Variants in FYCO1 observed in about 807,000 individuals in gnomAD.
FYCO1 encodes FYVE and coiled-coil domain autophagy adaptor 1, also known as FYVE and coiled-coil domain-containing protein 1.
A neutral mutation model predicts 165.1 loss-of-function variants in FYCO1; 122 were observed. The observed-to-expected ratio is 0.74, with a 90% CI of 0.64 to 0.86. The LOEUF (loss-of-function observed/expected upper bound fraction) is 0.86. Among genes scored for constraint, FYCO1 ranks in the 40% least tolerant of loss-of-function variants. The pLI is 0.00. For missense variants in FYCO1, 1,702 were observed against 1,810.3 expected, an observed-to-expected ratio of 0.94 and a Z score of 1.09; for synonymous variants, 648 against 742.5, an observed-to-expected ratio of 0.87 and a Z score of 2.07.
At chr3:45,946,608 G>A in intron 14 of FYCO1, 4 of 1,614,208 alleles carry the variant, frequency 2.5e-6, no homozygotes, top group Non-Finnish European at 2.5e-6. Flanking sequence ...GGTGGTGTTT[G>A]TCTGTGGTCT....
At position 45,919,393 on chromosome 3, in the gene FYCO1, C is replaced by T. The variant is rs1703018640; in HGVS notation, c.*2372G>A. On this transcript the variant is annotated 3_prime_UTR_variant, in exon 18 of 18. Coordinates refer to ENST00000296137, the MANE Select transcript of FYCO1 (RefSeq NM_024513.4). ...ACAAAAAATAAATTCGCTAATGAAA[C>T]CACATAGTTAGGAAGTCACCTCAGG... 1 of 152,238 alleles carries T rather than the reference C, an allele frequency of 6.6e-6. No homozygotes were observed. Among genetic ancestry groups the T allele is most frequent in the Non-Finnish European group, 1.5e-5 (1 of 68,048 alleles). The allele number at this position is 152,238 out of a possible 1,614,324, so 9.4% of individuals were successfully genotyped here. A position where few individuals can be genotyped will look rare whatever the true frequency, so the allele number is the denominator to read the frequency against.
Position 45,955,200 on chromosome 3 carries a change from G to C in FYCO1, c.3944+49C>G, listed in dbSNP as rs772925276. ...TCATCCTTTGATAAGAAAGCACAGG[G>C]GCCAGGCCTGTAATGAGCACTCAGG... is the stretch of plus-strand genomic sequence containing the variant. On this transcript the variant is annotated intron_variant, in intron 14 of 17. Transcript: ENST00000296137. 3.1e-6 allele frequency: 5 copies of C among 1,600,864 alleles called. No homozygotes were observed. In the African/African-American group the frequency reaches 6.7e-5, roughly 21 times the overall value.
chr3:45,967,621 A>G lies in FYCO1; in HGVS notation c.1713T>C (p.Asn571=). Residue 571 remains asparagine (N), a synonymous_variant, in exon 8 of 18, where the codon AAT becomes AAC. Transcript: ENST00000296137. The part of the protein sequence containing the change: ...GPELPVAGEK[N]EALVPVNSSL... ...TGGAGTTCACAGGGACCAGGGCCTC[A>G]TTCTTCTCACCTGCCACTGGCAGTT... The G allele has an allele frequency of 6.2e-7, 1 of 1,613,632 alleles. No homozygotes were observed. Among genetic ancestry groups the G allele is most frequent in the Non-Finnish European group, 8.5e-7 (1 of 1,179,988 alleles).
intron 5 of FYCO1, among the ~76,000 whole-genome samples, chr3:45,974,943 G>T (rs902331401): frequency 6.6e-6 from 1 of 152,184 alleles, no homozygotes; most frequent in Non-Finnish European, 1.5e-5. Flanking sequence ...CCAAGGACAT[G>T]CCATCCACCA....
intron 1 of FYCO1, among the ~76,000 whole-genome samples, chr3:45,987,546 C>T (rs1197932401): frequency 1.3e-5 from 2 of 152,150 alleles, no homozygotes; most frequent in African/African-American, 2.4e-5. Context: ...GATGCTGGGA[C>T]GGAGGCACAC....
At chr3:45,973,609 A>G (rs1024861292) in intron 5 of FYCO1, among the ~76,000 whole-genome samples, 11 of 152,198 alleles carry the variant, frequency 7.2e-5, no homozygotes, top group African/African-American at 2.7e-4. Flanking sequence ...CACTAAACTC[A>G]CTGCTAATTT....
At chr3:45,979,884 C>A (rs986131293) in intron 3 of FYCO1, 54 bp from the exon 4 acceptor site, 1 of 1,604,696 alleles carries the variant, frequency 6.2e-7, no homozygotes, top group Non-Finnish European at 8.5e-7. Flanking sequence ...CTCTTCATTC[C>A]GGCATTTAAA....
intron 16 of FYCO1, among the ~76,000 whole-genome samples, chr3:45,929,361 G>C (rs1703478445): frequency 6.6e-6 from 1 of 152,218 alleles, no homozygotes; most frequent in Non-Finnish European, 1.5e-5. Flanking sequence ...CTGAGGACTC[G>C]GTGGGTAGGG....
chr3:45,980,325 G>A (rs1210576835), intron 3 of FYCO1, among the ~76,000 whole-genome samples: 1 of 151,260 alleles, frequency 6.6e-6, no homozygotes. Context: ...CTCCAGCCTG[G>A]GCAACAAGAG....
rs765507300 is a variant in FYCO1 at position 45,958,637 on chromosome 3, C to T, written c.3588-18G>A. On this transcript the variant is annotated intron_variant, in intron 12 of 17. Coordinates refer to ENST00000296137, the MANE Select transcript of FYCO1 (RefSeq NM_024513.4). The stretch of plus-strand genomic sequence containing the variant: ...CACATATCCTGGGAACAAAACAAGC[C>T]CAGGCTGTGAGGATGACACACTATG... 3.2e-5 allele frequency: 52 copies of T among 1,612,932 alleles called. No individual in the cohort carries two copies. The highest frequency in any genetic ancestry group is 3.3e-4 in the Middle Eastern group (2 of 6,072).
intron 1 of FYCO1, among the ~76,000 whole-genome samples, chr3:45,991,461 T>C (rs1287689429): frequency 6.6e-6 from 1 of 152,164 alleles, no homozygotes; most frequent in African/African-American, 2.4e-5. Flanking sequence ...TCCCTCCTCC[T>C]TCCCTTCTTC....
In FYCO1 at chr3:45,984,905, G is replaced by A; in HGVS notation, c.6C>T (p.Ala2=). The change falls in exon 2 of 18, where the codon GCC becomes GCT. Residue 2 remains alanine (A), a synonymous_variant. Coordinates refer to ENST00000296137, the MANE Select transcript of FYCO1 (RefSeq NM_024513.4). ...GGAGCTGGCTCTCTGCATTGGTGGA[G>A]GCCATGGTGAGTTTGCCTTTCTTGT... M[A]STNAESQLQR... 6.2e-7 allele frequency: 1 copy of A among 1,614,166 alleles called. No homozygotes were observed. Among genetic ancestry groups the A allele is most frequent in the Non-Finnish European group, 8.5e-7 (1 of 1,180,022 alleles).
In FYCO1 at chr3:45,967,848, G is replaced by GT. The variant is rs1212142880; in HGVS notation, c.1485dup (p.Gln496ThrfsTer36). On this transcript the variant is annotated frameshift_variant, in exon 8 of 18. Coordinates refer to ENST00000296137, the MANE Select transcript of FYCO1 (RefSeq NM_024513.4). LOFTEE classifies it high-confidence loss of function. The stretch of plus-strand genomic sequence containing the variant: ...AGCAGCTCCTTCTCCTCCTGTTGCT[G>GT]TTTTTTCTCCCGCCTCAACTCTGCT... 1 of 1,614,068 alleles carries GT rather than the reference G, an allele frequency of 6.2e-7. No individual in the cohort carries two copies. Among genetic ancestry groups the GT allele is most frequent in the Non-Finnish European group, 8.5e-7 (1 of 1,180,018 alleles).
intron 14 of FYCO1, chr3:45,945,043 A>C (rs1220250345): frequency 6.6e-6 from 1 of 152,178 alleles, no homozygotes; most frequent in Non-Finnish European, 1.5e-5. Context: ...GTCTTAGCCC[A>C]AAGGCAGCAT....
intron 14 of FYCO1, among the ~76,000 whole-genome samples, chr3:45,952,521 AAC>A (rs1485029846): frequency 9.9e-5 from 15 of 152,218 alleles, no homozygotes; most frequent in Admixed American, 7.9e-4. Context: ...TCTTCACCCT[AAC>A]AGAAGTGCAG....
intron 6 of FYCO1, 128 bp downstream of exon 6, chr3:45,972,960 A>C: frequency 1.1e-6 from 1 of 924,804 alleles, no homozygotes; most frequent in Non-Finnish European, 1.7e-6. Flanking sequence ...AAGGAGCTGG[A>C]ATAAGAGTTG....
chr3:45,952,611 T>C, intron 14 of FYCO1, among the ~76,000 whole-genome samples: 1 of 152,214 alleles, frequency 6.6e-6, no homozygotes, highest in East Asian at 1.9e-4. Flanking sequence ...TTCCTTTCCC[T>C]GGAACAGTTC....
chr3:45,923,696 G>T lies in FYCO1; in HGVS notation c.4321C>A (p.Pro1441Thr), dbSNP rs185127002. Residue 1441 changes from proline (P) to threonine (T), a missense_variant, in exon 17 of 18, where the codon CCC becomes ACC. Pro to Thr is a conservative substitution (Grantham distance 38). Transcript: ENST00000296137. ...TCGAAGATGAGCATGTAGATGCCGG[G>T]TGTGCGAACCTTGAGCTGGCCCTGG... is the stretch of plus-strand genomic sequence containing the variant. ...NIQGQLKVRT[P>T]GIYMLIFDNT... 521 of 1,614,144 alleles carry T rather than the reference G, an allele frequency of 3.2e-4. 1 individual carries two copies. The highest frequency in any genetic ancestry group is 1.8e-4 in the Non-Finnish European group (215 of 1,179,974).
intron 14 of FYCO1, among the ~76,000 whole-genome samples, chr3:45,951,104 T>C (rs1283095152): frequency 6.6e-6 from 1 of 152,196 alleles, no homozygotes; most frequent in Non-Finnish European, 1.5e-5. Context: ...CTGAAGGATC[T>C]TCTTTGCAGG....
Sources: gnomAD v4.1 joint callset for allele counts (sites outside exome capture counted in the v4.1 genomes callset) on GRCh38, gnomAD v4.1.1 for gene constraint, MANE v1.5 for transcripts, NCBI Gene and HGNC (gene_info 2026-07-23, HGNC 2026-07-21) for gene names.